EPHB4: variants seen among roughly 807,000 people sequenced by gnomAD.
EPHB4 encodes the protein EPH receptor B4, also known as ephrin type-B receptor 4.
EPHB4 carries 50 observed loss-of-function variants against 110.6 expected under a neutral mutation model. That is an observed-to-expected ratio of 0.45 (90% CI 0.36 to 0.57). The LOEUF is 0.57. Ranked by LOEUF, EPHB4 falls within the 20% of genes least tolerant of loss-of-function variation. The pLI is 0.00. For synonymous variants in EPHB4, 592 were observed against 578.4 expected, an observed-to-expected ratio of 1.02 and a Z score of -0.34; for missense variants, 1,128 against 1,382.1, an observed-to-expected ratio of 0.82 and a Z score of 2.91.
intron 12 of EPHB4, among the ~76,000 whole-genome samples, chr7:100,808,362 G>A (rs992746595): frequency 1.3e-5 from 2 of 152,060 alleles, no homozygotes; most frequent in East Asian, 1.9e-4. Flanking sequence ...GGGACTATAG[G>A]TGCACACCAC....
At chr7:100,820,747 G>C (rs1295578738) in intron 4 of EPHB4, among the ~76,000 whole-genome samples, 2 of 152,114 alleles carry the variant, frequency 1.3e-5, no homozygotes, top group Non-Finnish European at 2.9e-5. Context: ...AAAAGTTTGG[G>C]CTACAGCAAC....
At chr7:100,826,685 A>C (rs1813406073) in intron 1 of EPHB4, 1 of 331,874 alleles carries the variant, frequency 3.0e-6, no homozygotes, top group Admixed American at 4.4e-5. Context: ...GGAGGAAAGG[A>C]AAGGCAGCCA....
intron 14 of EPHB4, 25 bp downstream of exon 14, chr7:100,806,395 C>A: frequency 6.2e-7 from 1 of 1,600,740 alleles, no homozygotes; most frequent in South Asian, 1.1e-5. Context: ...TCGAGGAAAG[C>A]TTGGTAGGAC....
rs1305829143 is a variant in EPHB4 at position 100,812,870 on chromosome 7, G to A, written c.1995C>T (p.Ala665=). ...GGTGCTCGAACTGGCCCATGATGGA[G>A]GCCTCGCTCAGAAACTCACGCCGCT... ...ERQRREFLSE[A]SIMGQFEHPN... The change falls in exon 12 of 17, where the codon GCC becomes GCT. Residue 665 remains alanine (A), a synonymous_variant. Transcript: ENST00000358173. 2 of 1,614,124 alleles carry A rather than the reference G, an allele frequency of 1.2e-6. No homozygotes were observed. The highest frequency in any genetic ancestry group is 2.7e-5 in the African/African-American group (2 of 74,948).
chr7:100,805,037 G>T (rs941715314), intron 16 of EPHB4, 129 bp downstream of exon 16: 10 of 1,233,508 alleles, frequency 8.1e-6, no homozygotes, highest in Admixed American at 2.6e-5. Context: ...TTCTAGGCAT[G>T]GCATGAGCGC....
intron 16 of EPHB4, 59 bp from the exon 17 acceptor site, chr7:100,803,649 C>A (rs1812750216): frequency 6.6e-7 from 1 of 1,522,532 alleles, no homozygotes; most frequent in African/African-American, 1.4e-5. Flanking sequence ...GCTCTCCTCT[C>A]TTGGCTCCTG....
chr7:100,818,804 G>C (rs1391057196), intron 6 of EPHB4, among the ~76,000 whole-genome samples, 160 bp from the exon 7 acceptor site: 4 of 152,106 alleles, frequency 2.6e-5, no homozygotes, highest in Non-Finnish European at 5.9e-5. Context: ...CTGGGTTCAA[G>C]CAATTCTTCT....
chr7:100,824,859 T>G (rs314311), intron 1 of EPHB4: 25,648 of 152,484 alleles, frequency 0.17, 2,534 homozygotes, highest in Non-Finnish European at 0.22. Context: ...GCACTGGAGG[T>G]CGGGATGCTA....
In EPHB4 at chr7:100,804,471, T is replaced by C. The variant is rs374299082; in HGVS notation, c.2834+695A>G. On this transcript the variant is annotated intron_variant, in intron 16 of 16. Coordinates refer to ENST00000358173, the MANE Select transcript of EPHB4 (RefSeq NM_004444.5). ...CTGGTATTACAGGCACGCACCACCA[T>C]GCCCAGCTAATTTTTGTATTTTTAG... is the stretch of plus-strand genomic sequence containing the variant. Among the ~76,000 whole-genome samples the C allele has an allele frequency of 2.0e-5, 3 of 152,024 alleles. No individual in the cohort carries two copies. The East Asian group carries it at 5.8e-4, about 29-fold the overall frequency.
intron 12 of EPHB4, among the ~76,000 whole-genome samples, chr7:100,811,433 CTT>C (rs1331653857): frequency 1.3e-5 from 2 of 152,058 alleles, no homozygotes; most frequent in Admixed American, 1.3e-4. Flanking sequence ...TGTCTATTTA[CTT>C]GCTAATTTTC....
chr7:100,815,527 C>T (rs1039314865), intron 8 of EPHB4, among the ~76,000 whole-genome samples: 1 of 152,132 alleles, frequency 6.6e-6, no homozygotes, highest in Non-Finnish European at 1.5e-5. Context: ...GCTATAGGGT[C>T]TCTTTTGAGG....
In EPHB4 at chr7:100,807,455, G is replaced by C; in HGVS notation, c.2244C>G (p.Val748=). 2.5e-6 allele frequency: 4 copies of C among 1,613,932 alleles called. No homozygotes were observed. The highest frequency in any genetic ancestry group is 2.5e-6 in the Non-Finnish European group (3 of 1,180,006). ...HRDLAARNIL[V]NSNLVCKVSD... ...ACACTTTGCAGACGAGGTTGCTGTT[G>C]ACTAGGATGTTGCGAGCAGCCAGGT... The change falls in exon 13 of 17, where the codon GTC becomes GTG. Residue 748 remains valine (V), a synonymous_variant. Coordinates refer to ENST00000358173, the MANE Select transcript of EPHB4 (RefSeq NM_004444.5).
rs1813442475 is a variant in EPHB4, at chr7:100,827,469, T to A, written c.-439A>T. 6.7e-6 allele frequency: 1 copy of A among 148,614 alleles called. No homozygotes were observed. The allele number at this position is 148,614 out of a possible 1,614,324, so 9.2% of individuals were successfully genotyped here. A position where few individuals can be genotyped will look rare whatever the true frequency, so the allele number is the denominator to read the frequency against. Reference sequence around the variant, plus strand: ...GGGACGGAGCGGGAGGGAGGGAGACTGCGGCGCGGAGCCGGGCGGGCCGGG... The same window carrying A: ...GGGACGGAGCGGGAGGGAGGGAGACAGCGGCGCGGAGCCGGGCGGGCCGGG... On this transcript the variant is annotated 5_prime_UTR_variant, in exon 1 of 17. Transcript: ENST00000358173.
chr7:100,811,187 C>T (rs532927419), intron 12 of EPHB4, among the ~76,000 whole-genome samples: 8 of 150,822 alleles, frequency 5.3e-5, no homozygotes, highest in African/African-American at 9.8e-5. Flanking sequence ...AGGAGGTGGA[C>T]GTTGCGGTGA....
rs1380760361 is a variant in EPHB4, at chr7:100,818,555, C to T, written c.1387G>A (p.Ala463Thr). The T allele has an allele frequency of 6.2e-7, 1 of 1,613,924 alleles. No individual in the cohort carries two copies. The highest frequency in any genetic ancestry group is 8.5e-7 in the Non-Finnish European group (1 of 1,180,036). The part of the protein sequence containing the change: ...AWAVPRAPSG[A>T]VLDYEVKYHE... ...TATTTGACCTCGTAGTCCAGCACAG[C>T]CCCACTGGGTGCCCGGGGAACAGCC... Residue 463 changes from alanine (A) to threonine (T), a missense_variant, in exon 7 of 17, where the codon GCT becomes ACT. Coordinates refer to ENST00000358173, the MANE Select transcript of EPHB4 (RefSeq NM_004444.5).
Position 100,823,639 on chromosome 7 carries a change from G to A in EPHB4, c.411+5C>T. 1.9e-6 allele frequency: 3 copies of A among 1,610,494 alleles called. No individual in the cohort carries two copies. Among genetic ancestry groups the A allele is most frequent in the Non-Finnish European group, 2.5e-6 (3 of 1,177,974 alleles). ...TGTGGCTGAGCCCTGGGGGCACCCA[G>A]GTACCTTGATGTAGGGGTTCTCCAT... is the stretch of plus-strand genomic sequence containing the variant. On this transcript the variant is annotated splice_donor_5th_base_variant and intron_variant, in intron 3 of 16. Transcript: ENST00000358173.
In EPHB4 at chr7:100,823,805, C is replaced by A; in HGVS notation, c.250G>T (p.Val84Phe). The A allele has an allele frequency of 6.2e-7, 1 of 1,613,198 alleles. No individual in the cohort carries two copies. The highest frequency in any genetic ancestry group is 8.5e-7 in the Non-Finnish European group (1 of 1,179,906). The change falls in exon 3 of 17, where the codon GTC becomes TTC. Residue 84 changes from valine (V) to phenylalanine (F), a missense_variant. By Grantham distance (50) the Val-to-Phe change is conservative. Transcript: ENST00000358173. Reference sequence around the variant, plus strand: ...AAGCGCAGCGTGGCGTACACGTGGACGGCGCCCCGCCGTGGGACCCAACCT... The same window carrying A: ...AAGCGCAGCGTGGCGTACACGTGGAAGGCGCCCCGCCGTGGGACCCAACCT... ...RTGWVPRRGA[V>F]HVYATLRFTM...
At chr7:100,821,628 GAA>G (rs754869641) in intron 4 of EPHB4, among the ~76,000 whole-genome samples, 2 of 135,730 alleles carry the variant, frequency 1.5e-5, no homozygotes, top group Admixed American at 7.3e-5. Context: ...ACTCTGTCTT[GAA>G]AAAAAAAAAA....
chr7:100,813,759 C>A, intron 9 of EPHB4, 43 bp from the exon 10 acceptor site: 1 of 1,613,334 alleles, frequency 6.2e-7, no homozygotes, highest in Non-Finnish European at 8.5e-7. Context: ...CTGAGTCACA[C>A]ATCTTTATGA....
Sources: allele counts gnomAD v4.1 joint callset (sites outside exome capture counted in the v4.1 genomes callset), GRCh38; gene constraint gnomAD v4.1.1; transcripts MANE v1.5; gene names NCBI Gene and HGNC (gene_info 2026-07-23, HGNC 2026-07-21).